The following RARS2 variants were observed in gnomAD, a reference collection of about 807,000 sequenced individuals.
RARS2 encodes probable arginine--tRNA ligase, mitochondrial.
In RARS2, 67 loss-of-function variants were observed where a neutral mutation model predicts 88.5. That is an observed-to-expected ratio of 0.76 (90% CI 0.62 to 0.93). RARS2 has a LOEUF of 0.93. Ranked by LOEUF, RARS2 falls within the 40% of genes least tolerant of loss-of-function variation. The pLI is 0.00. For missense variants in RARS2, 664 were observed against 684.2 expected (o/e 0.97, Z 0.33); for synonymous variants, 239 against 230.3 (o/e 1.04, Z -0.34).
At chr6:87,576,822 A>C (rs1160766520) in intron 1 of RARS2, among the ~76,000 whole-genome samples, 2 of 152,236 alleles carry the variant, frequency 1.3e-5, no homozygotes, top group African/African-American at 4.8e-5. Flanking sequence ...TGTATGCTGG[A>C]TAAGTTGCTA....
chr6:87,524,697 G>A lies in RARS2; in HGVS notation c.879-45C>T, dbSNP rs370631859. ...ACTCTGAAGCAACATAATAAATTCA[G>A]ACCTTTAAAATTTTAATATCTAAAA... On this transcript the variant is annotated intron_variant, in intron 10 of 19. Coordinates refer to ENST00000369536, the MANE Select transcript of RARS2 (RefSeq NM_020320.5). 4.7e-4 allele frequency: 666 copies of A among 1,403,554 alleles called. 6 individuals are homozygous for A. In the Middle Eastern group the frequency reaches 0.012, roughly 24 times the overall value. The allele number at this position is 1,403,554 out of a possible 1,614,324, so 86.9% of individuals were successfully genotyped here.
Position 87,562,700 on chromosome 6 carries a change from A to C in RARS2, c.297+2T>G, listed in dbSNP as rs574343583. On this transcript the variant is annotated splice_donor_variant, in intron 4 of 19. Transcript: ENST00000369536. LOFTEE classifies it high-confidence loss of function. ...AATGGCTGGATATTAACTTATTCTT[A>C]CCTTTGTTAAGAGCTCTCTGTTTAT... 27 of 1,595,956 alleles carry C rather than the reference A, an allele frequency of 1.7e-5. No homozygotes were observed. The highest frequency in any genetic ancestry group is 2.3e-5 in the Non-Finnish European group (27 of 1,163,718).
At chr6:87,528,242 CAAA>C (rs71018029) in intron 10 of RARS2, among the ~76,000 whole-genome samples, 70 of 119,664 alleles carry the variant, frequency 5.8e-4, no homozygotes, top group Middle Eastern at 4.8e-3. Flanking sequence ...GCTTTTATAA[CAAA>C]AAAAAAAAAA....
chr6:87,544,058 T>C (rs1481188618), intron 7 of RARS2, among the ~76,000 whole-genome samples: 1 of 152,232 alleles, frequency 6.6e-6, no homozygotes, highest in Non-Finnish European at 1.5e-5. Context: ...ATGGAAATGC[T>C]GACAGATCAT....
chr6:87,550,054 C>T (rs1030951824), intron 5 of RARS2, among the ~76,000 whole-genome samples: 3 of 152,096 alleles, frequency 2.0e-5, no homozygotes, highest in East Asian at 1.9e-4. Flanking sequence ...AAGGGTACTA[C>T]GATTTAAAAA....
rs371777843 is a variant in RARS2 at position 87,519,723 on chromosome 6, T to G, written c.1113-16A>C. The G allele has an allele frequency of 5.6e-5, 90 of 1,613,802 alleles. No homozygotes were observed. The highest frequency in any genetic ancestry group is 7.6e-5 in the Non-Finnish European group (90 of 1,179,838). Reference sequence around the variant, plus strand: ...GTGCTGGCACCTAAAAGAGTGGGCATCTAGTTAACTGAAAGCTAAACAAGA... The same window carrying G: ...GTGCTGGCACCTAAAAGAGTGGGCAGCTAGTTAACTGAAAGCTAAACAAGA... On this transcript the variant is annotated splice_polypyrimidine_tract_variant and intron_variant, in intron 13 of 19. Coordinates refer to ENST00000369536, the MANE Select transcript of RARS2 (RefSeq NM_020320.5).
chr6:87,545,088 A>C (rs555881100), intron 7 of RARS2, among the ~76,000 whole-genome samples: 1 of 152,216 alleles, frequency 6.6e-6, no homozygotes, highest in Non-Finnish European at 1.5e-5. Flanking sequence ...AAAAGCCTAC[A>C]TCAGGTCTTA....
chr6:87,577,095 AC>A (rs1290832060), intron 1 of RARS2, among the ~76,000 whole-genome samples: 19 of 152,362 alleles, frequency 1.2e-4, no homozygotes, highest in African/African-American at 4.6e-4. Context: ...GGATTGCCCT[AC>A]GCATTTGCAT....
intron 3 of RARS2, 93 bp downstream of exon 3, chr6:87,564,036 TA>T: frequency 1.1e-6 from 1 of 915,906 alleles, no homozygotes; most frequent in East Asian, 2.5e-5. Context: ...GAAACACTAT[TA>T]AATTCACTAT....
intron 4 of RARS2, among the ~76,000 whole-genome samples, chr6:87,556,630 T>A (rs1785992203): frequency 6.6e-6 from 1 of 151,012 alleles, no homozygotes; most frequent in Non-Finnish European, 1.5e-5. Context: ...ACTAAAAAAA[T>A]TTTAAAAAAA....
chr6:87,577,710 T>C (rs1170030932), intron 1 of RARS2, among the ~76,000 whole-genome samples: 1 of 152,172 alleles, frequency 6.6e-6, no homozygotes, highest in Non-Finnish European at 1.5e-5. Context: ...TGTTATAAAC[T>C]TTGAGTGAGA....
At chr6:87,547,624 T>C (rs1368355854) in intron 6 of RARS2, among the ~76,000 whole-genome samples, 3 of 152,108 alleles carry the variant, frequency 2.0e-5, no homozygotes, top group Non-Finnish European at 4.4e-5. Flanking sequence ...GTAATCTCTA[T>C]TTATTGAAAT....
At chr6:87,540,610 C>G (rs767059889) in intron 8 of RARS2, among the ~76,000 whole-genome samples, 9 of 152,130 alleles carry the variant, frequency 5.9e-5, no homozygotes, top group Non-Finnish European at 1.3e-4. Flanking sequence ...TTCTCACACA[C>G]AAGCAGAACA....
rs72922586 is a variant in RARS2 at position 87,588,552 on chromosome 6, T to A, written c.36+1370A>T. 6.6e-5 allele frequency among the ~76,000 whole-genome samples: 10 copies of A among 152,090 alleles called. No individual in the cohort carries two copies. The East Asian group carries it at 7.8e-4, about 12-fold the overall frequency. ...ATGCCTGGCTACTTTTTAAAAAAAA[T>A]TTTGTTGAGACGGGGTCTACCTATG... is the stretch of plus-strand genomic sequence containing the variant. On this transcript the variant is annotated intron_variant, in intron 1 of 19. Coordinates refer to ENST00000369536, the MANE Select transcript of RARS2 (RefSeq NM_020320.5).
intron 1 of RARS2, among the ~76,000 whole-genome samples, chr6:87,572,469 T>A (rs1770074849): frequency 6.6e-6 from 1 of 152,296 alleles, no homozygotes; most frequent in South Asian, 2.1e-4. Flanking sequence ...TGGGTAGCAA[T>A]AAAAAGGTTA....
chr6:87,573,827 G>T (rs1324270180), intron 1 of RARS2, among the ~76,000 whole-genome samples: 1 of 152,184 alleles, frequency 6.6e-6, no homozygotes, highest in Non-Finnish European at 1.5e-5. Context: ...CAGGTAGGTA[G>T]GTTGGTTCTC....
intron 1 of RARS2, among the ~76,000 whole-genome samples, chr6:87,581,511 A>G (rs1436779222): frequency 6.6e-6 from 1 of 152,186 alleles, no homozygotes; most frequent in Admixed American, 6.5e-5. Flanking sequence ...CAAGAAGCAA[A>G]CAAAGTAAGA....
At chr6:87,541,225 G>A (rs1780847383) in intron 8 of RARS2, among the ~76,000 whole-genome samples, 1 of 152,158 alleles carries the variant, frequency 6.6e-6, no homozygotes, top group Non-Finnish European at 1.5e-5. Flanking sequence ...TGTCCAGGCT[G>A]GAGTGCAGTG....
chr6:87,556,497 T>A (rs962391883), intron 4 of RARS2, among the ~76,000 whole-genome samples: 3 of 151,608 alleles, frequency 2.0e-5, no homozygotes, highest in Admixed American at 2.0e-4. Flanking sequence ...TAAAACAAAA[T>A]TTTTTTTGGA....
Sources: allele counts gnomAD v4.1 joint callset (sites outside exome capture counted in the v4.1 genomes callset), GRCh38; gene constraint gnomAD v4.1.1; transcripts MANE v1.5; gene names NCBI Gene and HGNC (gene_info 2026-07-23, HGNC 2026-07-21).